The following SLC36A1 variants were observed in gnomAD, a reference collection of about 807,000 sequenced individuals.
The protein encoded by SLC36A1 is proton-coupled amino acid transporter 1.
In SLC36A1, 30 loss-of-function variants were observed where a neutral mutation model predicts 47.5. That is an observed-to-expected ratio of 0.63 (90% CI 0.47 to 0.86). The LOEUF (loss-of-function observed/expected upper bound fraction) is 0.86. Among genes scored for constraint, SLC36A1 ranks in the 40% least tolerant of loss-of-function variants. The pLI, the probability that SLC36A1 is intolerant of heterozygous loss-of-function variation, is 0.00. For missense variants in SLC36A1, 517 were observed against 606.0 expected, an observed-to-expected ratio of 0.85 and a Z score of 1.54; for synonymous variants, 255 against 249.7, an observed-to-expected ratio of 1.02 and a Z score of -0.20.
the SLC36A1 span, among the ~76,000 whole-genome samples, chr5:151,377,636 C>T: frequency 2.6e-5 from 4 of 151,878 alleles, no homozygotes; most frequent in Admixed American, 6.6e-5. Flanking sequence ...CGTGAGCCAC[C>T]GCGCCCGGCC....
chr5:151,492,922 ACTCGCAG>A, downstream of SLC36A1, among the ~76,000 whole-genome samples: 1 of 151,852 alleles, frequency 6.6e-6, no homozygotes, highest in Middle Eastern at 3.4e-3. Flanking sequence ...CTGCCCTATG[ACTCGCAG>A]ACTTGCCGAC....
intron 7 of SLC36A1, among the ~76,000 whole-genome samples, chr5:151,471,176 A>G (rs1321383652): frequency 6.6e-6 from 1 of 152,170 alleles, no homozygotes; most frequent in African/African-American, 2.4e-5. Context: ...TTTCTCATCA[A>G]TGTTATAACA....
chr5:151,524,307 T>A, the SLC36A1 span, among the ~76,000 whole-genome samples: 1 of 152,236 alleles, frequency 6.6e-6, no homozygotes, highest in Admixed American at 6.5e-5. Flanking sequence ...CCAAGTATTA[T>A]TTTTAGTGCC....
At chr5:151,434,644 C>G (rs1009439921), upstream of SLC36A1, among the ~76,000 whole-genome samples, 16 of 152,024 alleles carry the variant, frequency 1.1e-4, 1 homozygote, top group Non-Finnish European at 1.5e-5. Context: ...AAATCCTAAC[C>G]CTCAGTGTGA....
At chr5:151,348,969 T>G in the SLC36A1 span, among the ~76,000 whole-genome samples, 1 of 152,168 alleles carries the variant, frequency 6.6e-6, no homozygotes, top group Non-Finnish European at 1.5e-5. Flanking sequence ...ACTGAAACAC[T>G]TGCTGTGATT....
the SLC36A1 span, among the ~76,000 whole-genome samples, chr5:151,377,226 A>C: frequency 2.0e-5 from 3 of 151,960 alleles, no homozygotes; most frequent in Non-Finnish European, 2.9e-5. Flanking sequence ...TATTTGGTCC[A>C]TTTGGCCTAG....
the SLC36A1 span, among the ~76,000 whole-genome samples, chr5:151,429,450 T>C: frequency 1.5e-4 from 23 of 149,782 alleles, no homozygotes; most frequent in East Asian, 4.2e-3. Context: ...CATAACAGTG[T>C]TTGCTTTTTT....
chr5:151,438,023 G>A (rs1369092976), intron 1 of SLC36A1, among the ~76,000 whole-genome samples: 1 of 151,810 alleles, frequency 6.6e-6, no homozygotes, highest in Non-Finnish European at 1.5e-5. Context: ...AAAAAACCTT[G>A]TGATTTATAC....
chr5:151,456,684 C>A (rs1754572988), intron 1 of SLC36A1, among the ~76,000 whole-genome samples: 1 of 152,156 alleles, frequency 6.6e-6, no homozygotes, highest in South Asian at 2.1e-4. Context: ...TGAAGCTAGG[C>A]AGGATCGTCT....
chr5:151,489,998 C>T lies in SLC36A1; in HGVS notation c.*1744C>T, dbSNP rs564767900. The T allele has an allele frequency of 8.5e-5, 13 of 152,218 alleles. No individual in the cohort carries two copies. Among genetic ancestry groups the T allele is most frequent in the African/African-American group, 3.1e-4 (13 of 41,502 alleles). 9.4% of individuals were successfully genotyped at this position (152,218 alleles called of 1,614,324 possible). A position where few individuals can be genotyped will look rare whatever the true frequency, so the allele number is the denominator to read the frequency against. The stretch of plus-strand genomic sequence containing the variant: ...AAGGGCTGTGACCCACCCATATGGC[C>T]CCAGTTTTTTCTGTCTCTTCTGTTC... On this transcript the variant is annotated 3_prime_UTR_variant, in exon 11 of 11. Transcript: ENST00000243389. The surrounding 1 kb of genome is among the most constrained non-coding windows in gnomAD (Gnocchi z 4.5).
the SLC36A1 span, among the ~76,000 whole-genome samples, chr5:151,388,742 T>C: frequency 1.3e-5 from 2 of 152,146 alleles, no homozygotes; most frequent in Admixed American, 1.3e-4. Context: ...GAGTGTGTGA[T>C]GTTTATACTG....
At chr5:151,547,481 T>C in the SLC36A1 span, among the ~76,000 whole-genome samples, 3 of 152,236 alleles carry the variant, frequency 2.0e-5, no homozygotes, top group African/African-American at 7.2e-5. Context: ...ATACTGCACT[T>C]TACATGTCTT....
At chr5:151,396,034 T>C in the SLC36A1 span, among the ~76,000 whole-genome samples, 5 of 152,122 alleles carry the variant, frequency 3.3e-5, no homozygotes, top group Non-Finnish European at 7.4e-5. Context: ...GGTCTCGTAC[T>C]CCTGACCTCA....
the SLC36A1 span, among the ~76,000 whole-genome samples, chr5:151,362,263 CCT>C: frequency 4.0e-5 from 6 of 151,720 alleles, no homozygotes; most frequent in African/African-American, 1.5e-4. Flanking sequence ...TTTTTTTCCC[CCT>C]CTGTGTGTTT....
chr5:151,416,185 C>T, the SLC36A1 span, among the ~76,000 whole-genome samples: 1 of 152,152 alleles, frequency 6.6e-6, no homozygotes, highest in African/African-American at 2.4e-5. Flanking sequence ...GCCTGGCATC[C>T]CCTAATGCCC....
At chr5:151,540,154 G>T in the SLC36A1 span, among the ~76,000 whole-genome samples, 43 of 152,232 alleles carry the variant, frequency 2.8e-4, no homozygotes, top group Non-Finnish European at 5.9e-4. Context: ...CAGAGAAATA[G>T]ACCTTTGTTG....
the SLC36A1 span, chr5:151,505,409 G>C: frequency 1.2e-6 from 1 of 849,228 alleles, no homozygotes; most frequent in South Asian, 1.7e-5. Flanking sequence ...GGACTAGGTG[G>C]GGGATTGGAA....
rs544483389 is a variant in SLC36A1, at chr5:151,442,371, T to A, written c.-6+5192T>A. Among the ~76,000 whole-genome samples, 67 of 152,296 alleles carry A rather than the reference T, an allele frequency of 4.4e-4. 1 individual carries two copies. The South Asian group carries it at 0.013, about 30-fold the overall frequency. ...AAATACAGTGTGATTTTTTTATTTT[T>A]AAAAAGTTATTTTTAATTGACATAA... On this transcript the variant is annotated intron_variant, in intron 1 of 8. Coordinates refer to the SLC36A1 transcript ENST00000429484.
the SLC36A1 span, among the ~76,000 whole-genome samples, chr5:151,531,099 G>A: frequency 1.3e-5 from 2 of 152,020 alleles, no homozygotes; most frequent in African/African-American, 2.4e-5. The surrounding 1 kb of genome is among the most constrained non-coding windows in gnomAD (Gnocchi z 5.7). Context: ...GAAGTGAGAC[G>A]GTTTCCTAGT....
Sources: gnomAD v4.1 joint callset for allele counts (sites outside exome capture counted in the v4.1 genomes callset) on GRCh38, gnomAD v4.1.1 for gene constraint, Gnocchi (gnomAD v3.1) non-coding constraint, MANE v1.5 for transcripts, NCBI Gene and HGNC (gene_info 2026-07-23, HGNC 2026-07-21) for gene names.